Variants in CES5A observed in about 807,000 individuals in gnomAD.
CES5A encodes carboxylesterase 5A.
Under a neutral mutation model 62.9 loss-of-function variants are expected in CES5A, and 67 were observed. The ratio of observed to expected loss-of-function variants is 1.07; its 90% confidence interval spans 0.88 to 1.31. The LOEUF is 1.31. Among genes scored for constraint, CES5A ranks in the 50% most tolerant of loss-of-function variants. The pLI, the probability that CES5A is intolerant of heterozygous loss-of-function variation, is 0.00. For missense variants in CES5A, 748 were observed against 708.5 expected, an observed-to-expected ratio of 1.06 and a Z score of -0.63; for synonymous variants, 296 against 280.8, an observed-to-expected ratio of 1.05 and a Z score of -0.54.
At chr16:55,881,778 A>G (rs758899957) in intron 1 of CES5A, among the ~76,000 whole-genome samples, 23 of 152,224 alleles carry the variant, frequency 1.5e-4, no homozygotes, top group Non-Finnish European at 2.4e-4. Context: ...GAATTATTTG[A>G]GAAGCTCAGT....
chr16:55,921,922 G>A (rs1448717159), intron 1 of CES5A, among the ~76,000 whole-genome samples: 1 of 151,778 alleles, frequency 6.6e-6, no homozygotes, highest in East Asian at 1.9e-4. Flanking sequence ...AATTATTTTT[G>A]TTTCTATTCT....
chr16:55,856,909 C>T (rs1230153650), intron 8 of CES5A, among the ~76,000 whole-genome samples: 1 of 152,236 alleles, frequency 6.6e-6, no homozygotes, highest in Non-Finnish European at 1.5e-5. Context: ...AGCACCTTGA[C>T]CTCGGACTTC....
chr16:55,936,153 C>A (rs762739370), intron 2 of CES5A, among the ~76,000 whole-genome samples: 1 of 152,204 alleles, frequency 6.6e-6, no homozygotes, highest in African/African-American at 2.4e-5. Context: ...ATCTTCCCAA[C>A]ACTCCAGTAG....
intron 1 of CES5A, among the ~76,000 whole-genome samples, chr16:55,912,393 G>A (rs2034102649): frequency 6.6e-6 from 1 of 152,180 alleles, no homozygotes; most frequent in Non-Finnish European, 1.5e-5. Flanking sequence ...CTGGGCTTCT[G>A]ATTTTGTCTG....
chr16:55,918,760 A>G (rs2034172263), intron 1 of CES5A, among the ~76,000 whole-genome samples: 1 of 152,156 alleles, frequency 6.6e-6, no homozygotes, highest in African/African-American at 2.4e-5. Flanking sequence ...TCACATTATA[A>G]TGCTTCCCCA....
intron 4 of CES5A, among the ~76,000 whole-genome samples, chr16:55,867,103 G>A (rs1403582872): frequency 2.6e-5 from 4 of 152,122 alleles, no homozygotes; most frequent in Non-Finnish European, 4.4e-5. Context: ...GAGAGACTGC[G>A]ATGTTTATCC....
At chr16:55,896,196 T>C (rs911750456) in intron 1 of CES5A, among the ~76,000 whole-genome samples, 5 of 152,150 alleles carry the variant, frequency 3.3e-5, no homozygotes, top group African/African-American at 1.2e-4. Flanking sequence ...AGGGGAACTC[T>C]CCTTTATATA....
intron 2 of CES5A, among the ~76,000 whole-genome samples, chr16:55,946,114 T>C (rs765255780): frequency 6.6e-6 from 1 of 152,186 alleles, no homozygotes; most frequent in Non-Finnish European, 1.5e-5. Flanking sequence ...TTAAAAATCT[T>C]TTCATCGGGT....
chr16:55,853,445 T>G (rs180990041), intron 9 of CES5A, among the ~76,000 whole-genome samples: 2 of 152,338 alleles, frequency 1.3e-5, no homozygotes, highest in Admixed American at 1.3e-4. Flanking sequence ...CTAAACCAAA[T>G]GTAGGACCCT....
At chr16:55,919,249 C>T (rs537457247) in intron 1 of CES5A, among the ~76,000 whole-genome samples, 3 of 152,336 alleles carry the variant, frequency 2.0e-5, no homozygotes, top group East Asian at 3.9e-4. Context: ...TCAAGGCTTA[C>T]GTGAAACTCT....
intron 1 of CES5A, among the ~76,000 whole-genome samples, chr16:55,892,897 G>T (rs2033895740): frequency 6.6e-6 from 1 of 152,152 alleles, no homozygotes; most frequent in Admixed American, 6.5e-5. Flanking sequence ...AAGTTGCCAA[G>T]TTAAGGTCAA....
intron 1 of CES5A, among the ~76,000 whole-genome samples, chr16:55,912,543 G>C (rs1029155784): frequency 1.3e-5 from 2 of 151,872 alleles, no homozygotes; most frequent in Non-Finnish European, 2.9e-5. Context: ...AGAGAAAGAG[G>C]AGAAGGAGAA....
intron 1 of CES5A, among the ~76,000 whole-genome samples, chr16:55,953,299 T>C (rs2034577431): frequency 1.3e-5 from 2 of 152,176 alleles, no homozygotes; most frequent in African/African-American, 4.8e-5. Flanking sequence ...ATAATCACTA[T>C]TACTTTTCAA....
At chr16:55,943,212 T>C (rs1051147698) in intron 2 of CES5A, among the ~76,000 whole-genome samples, 1 of 152,240 alleles carries the variant, frequency 6.6e-6, no homozygotes, top group South Asian at 2.1e-4. Context: ...AGCACTTTAT[T>C]TTCTACAAAC....
chr16:55,872,317 C>T (rs2033608896), intron 2 of CES5A, among the ~76,000 whole-genome samples: 1 of 152,168 alleles, frequency 6.6e-6, no homozygotes, highest in Non-Finnish European at 1.5e-5. Context: ...CACATTCTTC[C>T]CTTTGTTTTA....
chr16:55,955,890 C>A (rs1163474425), exon 1 of CES5A: 31 of 1,536,086 alleles, frequency 2.0e-5, no homozygotes, highest in Non-Finnish European at 2.7e-5. Context: ...AGCCATCAGA[C>A]TTGCCCTTGG....
At position 55,883,577 on chromosome 16, in the gene CES5A, G is replaced by A. The variant is rs1029632852; in HGVS notation, c.-255-9540C>T. 5.9e-5 allele frequency among the ~76,000 whole-genome samples: 9 copies of A among 152,112 alleles called. No individual in the cohort carries two copies. The South Asian group carries it at 6.2e-4, about 11-fold the overall frequency. ...TGTGAGCCACTGCACCCGGGCCACCGTTGCATCTTTTAGGTCTTTAACAGT... is the reference window on the plus strand; with the variant it reads ...TGTGAGCCACTGCACCCGGGCCACCATTGCATCTTTTAGGTCTTTAACAGT... On this transcript the variant is annotated intron_variant, in intron 1 of 12. Transcript: ENST00000518005.
intron 4 of CES5A, among the ~76,000 whole-genome samples, chr16:55,868,603 G>T (rs1479642262): frequency 1.2e-4 from 19 of 152,022 alleles, no homozygotes; most frequent in African/African-American, 4.1e-4. Flanking sequence ...GGATATTTTT[G>T]TCCCTGCATT....
chr16:55,946,150 C>T (rs2076903), intron 2 of CES5A, among the ~76,000 whole-genome samples: 46,256 of 152,058 alleles, frequency 0.3, 7,295 homozygotes, highest in Non-Finnish European at 0.33. Flanking sequence ...GTAACTTCTC[C>T]CTTGACTTTC....
Sources: allele counts gnomAD v4.1 joint callset (sites outside exome capture counted in the v4.1 genomes callset), GRCh38; gene constraint gnomAD v4.1.1; transcripts MANE v1.5; gene names NCBI Gene and HGNC (gene_info 2026-07-23, HGNC 2026-07-21).